Variants in IGF2BP2 observed in about 807,000 individuals in gnomAD.
IGF2BP2 encodes insulin like growth factor 2 mRNA binding protein 2.
In IGF2BP2, 17 loss-of-function variants were observed where a neutral mutation model predicts 75.8. That is an observed-to-expected ratio of 0.22 (90% CI 0.15 to 0.34). The LOEUF is 0.34. Ranked by LOEUF, IGF2BP2 falls within the 10% of genes least tolerant of loss-of-function variation. IGF2BP2 has a pLI of 1.00. For synonymous variants in IGF2BP2, 288 were observed against 295.6 expected (o/e 0.97, Z 0.26); for missense variants, 516 against 772.4 (o/e 0.67, Z 3.93).
intron 2 of IGF2BP2, among the ~76,000 whole-genome samples, chr3:185,737,273 A>G (rs1192089436): frequency 3.9e-5 from 6 of 152,114 alleles, no homozygotes; most frequent in Non-Finnish European, 8.8e-5. Flanking sequence ...CAATCTGTCA[A>G]CATCTTTCTG....
intron 2 of IGF2BP2, among the ~76,000 whole-genome samples, chr3:185,818,806 A>G (rs1244411313): frequency 6.6e-6 from 1 of 152,184 alleles, no homozygotes; most frequent in Admixed American, 6.5e-5. Flanking sequence ...CTGACTTTTA[A>G]TAAATGTGCC....
intron 2 of IGF2BP2, among the ~76,000 whole-genome samples, chr3:185,787,064 A>G (rs1735993331): frequency 6.6e-6 from 1 of 152,174 alleles, no homozygotes; most frequent in African/African-American, 2.4e-5. Flanking sequence ...AATAGCTAAC[A>G]TTTTTTGAAA....
intron 2 of IGF2BP2, among the ~76,000 whole-genome samples, chr3:185,725,688 T>G (rs1383401653): frequency 6.6e-6 from 1 of 152,176 alleles, no homozygotes; most frequent in African/African-American, 2.4e-5. Context: ...AATTCAGGAC[T>G]AGGCTGGCTG....
intron 2 of IGF2BP2, chr3:185,716,615 G>A (rs1032302939): frequency 1.9e-6 from 1 of 520,008 alleles, no homozygotes; most frequent in Admixed American, 1.9e-5. Context: ...TTTTCTTCGG[G>A]GGCAGGTAGG....
intron 2 of IGF2BP2, among the ~76,000 whole-genome samples, chr3:185,776,464 T>C (rs1734545441): frequency 6.6e-6 from 1 of 151,890 alleles, no homozygotes; most frequent in Non-Finnish European, 1.5e-5. Context: ...AGAAATGAAG[T>C]TGATGGTGGT....
chr3:185,723,182 C>T (rs972356666), intron 2 of IGF2BP2, among the ~76,000 whole-genome samples: 12 of 152,208 alleles, frequency 7.9e-5, no homozygotes, highest in East Asian at 5.8e-4. Context: ...CAAATCCAGT[C>T]GGCCACAGCT....
intron 10 of IGF2BP2, among the ~76,000 whole-genome samples, chr3:185,660,226 C>G (rs553451052): frequency 6.6e-6 from 1 of 152,324 alleles, no homozygotes; most frequent in South Asian, 2.1e-4. Context: ...CACCATGGAA[C>G]CAATTCCCAC....
At position 185,804,445 on chromosome 3, in the gene IGF2BP2, A is replaced by AG. The variant is rs574678218; in HGVS notation, c.239+18707_239+18708insC. Among the ~76,000 whole-genome samples the AG allele has an allele frequency of 2.2e-4, 33 of 151,962 alleles. No individual in the cohort carries two copies. In the South Asian group the frequency reaches 6.5e-3, roughly 30 times the overall value. Reference sequence around the variant, plus strand: ...GAGACTTTGTCTCAAACAAAAAAAAAACAAAAAAACACAGATTTCAGAAGT... The same window carrying AG: ...GAGACTTTGTCTCAAACAAAAAAAAAGACAAAAAAACACAGATTTCAGAAGT... On this transcript the variant is annotated intron_variant, in intron 2 of 15. Coordinates refer to ENST00000382199, the MANE Select transcript of IGF2BP2 (RefSeq NM_006548.6).
rs562728194 is a variant in IGF2BP2, at chr3:185,674,638, G to A, written c.1071+658C>T. On this transcript the variant is annotated intron_variant, in intron 9 of 15. Transcript: ENST00000382199. ...AGCAAGCAAGGGAGGAAAATCAGAA[G>A]TTAACTTTAAAGCATGCATTTTTAA... Among the ~76,000 whole-genome samples, 5 of 152,196 alleles carry A rather than the reference G, an allele frequency of 3.3e-5. No individual in the cohort carries two copies. The South Asian group carries it at 1.0e-3, about 32-fold the overall frequency.
At chr3:185,709,261 A>G (rs1267499795) in intron 2 of IGF2BP2, among the ~76,000 whole-genome samples, 1 of 152,232 alleles carries the variant, frequency 6.6e-6, no homozygotes, top group Non-Finnish European at 1.5e-5. Flanking sequence ...GCATCTTGTC[A>G]ATTAGTTTCC....
intron 12 of IGF2BP2, 37 bp downstream of exon 12, chr3:185,657,249 G>GGTAGAAGGGCCACAGGGCCGTCA: frequency 7.0e-7 from 1 of 1,423,996 alleles, no homozygotes; most frequent in Non-Finnish European, 9.9e-7. Context: ...GAGAGGAGGT[G>GGTAGAAGGGCCACAGGGCCGTCA]GTAGAAGGGC....
Position 185,645,383 on chromosome 3 carries a change from G to A in IGF2BP2, c.*148C>T, listed in dbSNP as rs879548950. 2.7e-5 allele frequency: 17 copies of A among 626,524 alleles called. No homozygotes were observed. The highest frequency in any genetic ancestry group is 6.2e-5 in the South Asian group (3 of 48,432). 38.8% of individuals were successfully genotyped at this position (626,524 alleles called of 1,614,324 possible). ...CGGCCCCTGGGGTTCTCAGGGCCTC[G>A]GCAGAGTCCCTGGCCGCCTCCGCAG... On this transcript the variant is annotated 3_prime_UTR_variant, in exon 16 of 16. Transcript: ENST00000382199. The surrounding 1 kb of genome is among the most constrained non-coding windows in gnomAD (Gnocchi z 4.9).
intron 12 of IGF2BP2, among the ~76,000 whole-genome samples, chr3:185,656,940 G>A (rs564242668): frequency 6.6e-5 from 10 of 152,248 alleles, no homozygotes; most frequent in African/African-American, 1.4e-4. Flanking sequence ...TTAAAGCACC[G>A]CATACTGGTA....
At chr3:185,724,748 T>C (rs2149483955) in intron 2 of IGF2BP2, 2 of 152,330 alleles carry the variant, frequency 1.3e-5, no homozygotes, top group East Asian at 1.9e-4. Flanking sequence ...CTTTGTTTGG[T>C]GCATTGTATT....
intron 10 of IGF2BP2, among the ~76,000 whole-genome samples, chr3:185,665,329 G>GAGGAGGAGGAGA (rs1560250636): frequency 4.1e-4 from 37 of 90,556 alleles, no homozygotes; most frequent in Middle Eastern, 6.6e-3. Flanking sequence ...GAAGGAGGAG[G>GAGGAGGAGGAGA]AGGAGGAGGA....
At chr3:185,741,168 C>G (rs558169259) in intron 2 of IGF2BP2, among the ~76,000 whole-genome samples, 1 of 152,048 alleles carries the variant, frequency 6.6e-6, no homozygotes, top group Non-Finnish European at 1.5e-5. Flanking sequence ...CCACTGTGCC[C>G]GGCCGCATAT....
intron 2 of IGF2BP2, among the ~76,000 whole-genome samples, chr3:185,810,309 G>C (rs1360883517): frequency 6.6e-6 from 1 of 152,164 alleles, no homozygotes; most frequent in Non-Finnish European, 1.5e-5. Flanking sequence ...TCTGCACCCA[G>C]GGAACAGAAG....
intron 2 of IGF2BP2, among the ~76,000 whole-genome samples, chr3:185,795,555 G>A (rs189688054): frequency 1.2e-3 from 187 of 152,324 alleles, no homozygotes; most frequent in Non-Finnish European, 2.3e-3. Context: ...AAGAGACAAA[G>A]AGGAGACAAA....
intron 2 of IGF2BP2, among the ~76,000 whole-genome samples, chr3:185,780,424 G>A (rs1314750068): frequency 2.6e-5 from 4 of 152,164 alleles, no homozygotes; most frequent in Non-Finnish European, 5.9e-5. Flanking sequence ...GAGAACATAT[G>A]TTCAGGATAA....
Sources: gnomAD v4.1 joint callset for allele counts (sites outside exome capture counted in the v4.1 genomes callset) on GRCh38, gnomAD v4.1.1 for gene constraint, Gnocchi (gnomAD v3.1) non-coding constraint, MANE v1.5 for transcripts, NCBI Gene and HGNC (gene_info 2026-07-23, HGNC 2026-07-21) for gene names.